Variants in PCDH15 observed in about 807,000 individuals in gnomAD.
PCDH15 encodes protocadherin related 15, also known as protocadherin-15.
Under a neutral mutation model 178.5 loss-of-function variants are expected in PCDH15, and 129 were observed. That is an observed-to-expected ratio of 0.72 (90% CI 0.63 to 0.84). The LOEUF is 0.84. PCDH15 is among the 40% of genes least tolerant of loss of function. The pLI is 0.00. For missense variants in PCDH15, 2,230 were observed against 2,099.9 expected, an observed-to-expected ratio of 1.06 and a Z score of -1.21; for synonymous variants, 800 against 732.0, an observed-to-expected ratio of 1.09 and a Z score of -1.50.
intron 2 of PCDH15, among the ~76,000 whole-genome samples, chr10:55,073,430 A>C (rs1050206353): frequency 1.3e-5 from 2 of 152,140 alleles, no homozygotes; most frequent in Non-Finnish European, 2.9e-5. Context: ...TGTACAAAAA[A>C]TCACAAGCAT....
intron 2 of PCDH15, among the ~76,000 whole-genome samples, chr10:55,379,436 T>C (rs1463949976): frequency 1.3e-5 from 2 of 152,084 alleles, no homozygotes; most frequent in Non-Finnish European, 2.9e-5. Flanking sequence ...TATAAAGTAA[T>C]ATATTGGTAT....
At chr10:54,298,901 A>G (rs1036395085) in intron 8 of PCDH15, among the ~76,000 whole-genome samples, 13 of 152,252 alleles carry the variant, frequency 8.5e-5, no homozygotes, top group Non-Finnish European at 1.0e-4. Context: ...AGACTTTGCT[A>G]CAGATAGTAA....
At chr10:55,200,354 T>C (rs1249132773) in intron 1 of PCDH15, among the ~76,000 whole-genome samples, 3 of 152,128 alleles carry the variant, frequency 2.0e-5, no homozygotes, top group Non-Finnish European at 4.4e-5. Context: ...AAGGGGCCTG[T>C]AGCCTCTTTA....
chr10:54,208,400 T>A (rs187745568), intron 10 of PCDH15, among the ~76,000 whole-genome samples: 91 of 152,136 alleles, frequency 6.0e-4, no homozygotes, highest in Admixed American at 1.7e-3. Flanking sequence ...GAAATCCTAA[T>A]CCACAATGTA....
chr10:54,207,368 GTGTGTGTGTA>G (rs67871878), intron 10 of PCDH15, among the ~76,000 whole-genome samples: 70,240 of 113,232 alleles, frequency 0.62, 17,697 homozygotes, highest in Middle Eastern at 0.66. Flanking sequence ...TTTGTTTTGT[GTGTGTGTGTA>G]TGTGTGTGTG....
intron 1 of PCDH15, among the ~76,000 whole-genome samples, chr10:54,752,277 C>G (rs1040007799): frequency 6.6e-6 from 1 of 151,030 alleles, no homozygotes; most frequent in Non-Finnish European, 1.5e-5. Context: ...GAGATGGAGA[C>G]CATCCTGGCT....
chr10:55,249,734 T>G (rs1252912270), intron 1 of PCDH15, among the ~76,000 whole-genome samples: 2 of 152,026 alleles, frequency 1.3e-5, no homozygotes, highest in Non-Finnish European at 2.9e-5. Flanking sequence ...ATGTTACACT[T>G]GGGAAAATAA....
intron 2 of PCDH15, among the ~76,000 whole-genome samples, chr10:55,391,025 A>G (rs995429470): frequency 7.2e-5 from 11 of 152,194 alleles, no homozygotes; most frequent in Admixed American, 7.2e-4. Context: ...AAGTCAGCCT[A>G]TCCTTTGAAG....
At chr10:54,845,613 T>C (rs1953496083) in intron 3 of PCDH15, among the ~76,000 whole-genome samples, 1 of 152,076 alleles carries the variant, frequency 6.6e-6, no homozygotes, top group Admixed American at 6.6e-5. Context: ...CTTTATGAAG[T>C]CTTAAGAGAA....
At chr10:54,391,489 A>C (rs1222864198) in intron 3 of PCDH15, among the ~76,000 whole-genome samples, 1 of 152,150 alleles carries the variant, frequency 6.6e-6, no homozygotes, top group Non-Finnish European at 1.5e-5. Flanking sequence ...TTTTTAGTAA[A>C]GGAAAGCTTA....
chr10:54,456,806 C>T (rs1030792514), intron 3 of PCDH15, among the ~76,000 whole-genome samples: 4 of 152,046 alleles, frequency 2.6e-5, no homozygotes, highest in African/African-American at 9.7e-5. Context: ...TGGTTACCCT[C>T]GTGTTGTTCT....
intron 3 of PCDH15, among the ~76,000 whole-genome samples, chr10:54,476,497 G>A (rs888253705): frequency 6.6e-6 from 1 of 151,950 alleles, no homozygotes. Context: ...CAGGTAATAA[G>A]GTAAATTATT....
rs1380075237 is a variant in PCDH15 at position 54,618,617 on chromosome 10, TA to T, written c.91+45554del. ...TTGAATAGTAATCTCTGTATGTAAA[TA>T]GACATACATATTCTACTAACAGATT... On this transcript the variant is annotated intron_variant, in intron 2 of 37. Transcript: ENST00000644397. 4.6e-5 allele frequency among the ~76,000 whole-genome samples: 7 copies of T among 152,208 alleles called. No homozygotes were observed. In the East Asian group the frequency reaches 1.4e-3, roughly 29 times the overall value.
chr10:54,379,655 A>G (rs1948936460), intron 3 of PCDH15, among the ~76,000 whole-genome samples: 1 of 152,116 alleles, frequency 6.6e-6, no homozygotes, highest in Non-Finnish European at 1.5e-5. Flanking sequence ...AACCCTTTCT[A>G]CTGTGTTAAA....
intron 2 of PCDH15, among the ~76,000 whole-genome samples, chr10:55,356,845 T>C (rs1477465101): frequency 6.6e-6 from 1 of 151,964 alleles, no homozygotes; most frequent in Non-Finnish European, 1.5e-5. Flanking sequence ...TTGTATTCAG[T>C]GTTCTGTTTA....
chr10:54,467,615 T>TG (rs1429232719), intron 3 of PCDH15, among the ~76,000 whole-genome samples: 2 of 147,744 alleles, frequency 1.4e-5, no homozygotes, highest in African/African-American at 4.9e-5. Context: ...TTTTTTTTTT[T>TG]TTTTTTTTTT....
At chr10:55,292,704 C>T (rs972217002) in intron 1 of PCDH15, among the ~76,000 whole-genome samples, 3 of 152,094 alleles carry the variant, frequency 2.0e-5, no homozygotes, top group South Asian at 2.1e-4. Flanking sequence ...CCTTAAAGCT[C>T]GAAAATGATC....
At chr10:54,435,766 C>T (rs1438434983) in intron 3 of PCDH15, among the ~76,000 whole-genome samples, 4 of 151,880 alleles carry the variant, frequency 2.6e-5, no homozygotes, top group Non-Finnish European at 4.4e-5. Context: ...ATCAGGAAAT[C>T]GAGACCATCC....
intron 3 of PCDH15, among the ~76,000 whole-genome samples, chr10:54,456,502 T>C (rs995438184): frequency 6.6e-6 from 1 of 152,214 alleles, no homozygotes; most frequent in Non-Finnish European, 1.5e-5. Flanking sequence ...ATCTATGATG[T>C]AACTAACTCA....
Sources: gnomAD v4.1 joint callset for allele counts (sites outside exome capture counted in the v4.1 genomes callset) on GRCh38, gnomAD v4.1.1 for gene constraint, MANE v1.5 for transcripts, NCBI Gene and HGNC (gene_info 2026-07-23, HGNC 2026-07-21) for gene names.